The following DLGAP2 variants were observed in gnomAD, a reference collection of about 807,000 sequenced individuals.
DLGAP2 encodes DLG associated protein 2.
Under a neutral mutation model 100.3 loss-of-function variants are expected in DLGAP2, and 26 were observed. The ratio of observed to expected loss-of-function variants is 0.26; its 90% CI spans 0.19 to 0.36. DLGAP2 has a LOEUF of 0.36. DLGAP2 is among the 10% of genes least tolerant of loss of function. The pLI is 1.00. For missense variants in DLGAP2, 1,858 were observed against 1,453.2 expected (o/e 1.28, Z -4.53); for synonymous variants, 886 against 630.1 (o/e 1.41, Z -6.08).
intron 2 of DLGAP2, among the ~76,000 whole-genome samples, chr8:1,186,483 A>G (rs78444212): frequency 3.9e-5 from 6 of 152,280 alleles, no homozygotes; most frequent in Admixed American, 3.9e-4. Flanking sequence ...GCGAGTACCC[A>G]TCAACAAGGC....
At chr8:1,457,764 C>G (rs963202404) in intron 3 of DLGAP2, among the ~76,000 whole-genome samples, 12 of 151,908 alleles carry the variant, frequency 7.9e-5, no homozygotes, top group African/African-American at 2.9e-4. Flanking sequence ...ACGCCTCCCC[C>G]AGAAGGTTGC....
chr8:1,204,992 A>C lies in DLGAP2; in HGVS notation c.74-53859A>C, dbSNP rs1226984056. On this transcript the variant is annotated intron_variant, in intron 2 of 14. Coordinates refer to ENST00000637795, the MANE Select transcript of DLGAP2 (RefSeq NM_001346810.2). The stretch of plus-strand genomic sequence containing the variant: ...GTGGGGCTGACAGCTCCATTGTAAC[A>C]TCCAGTCAGTTGTCTGTTAAACGGA... Among the ~76,000 whole-genome samples the C allele has an allele frequency of 3.3e-5, 5 of 152,096 alleles. No homozygotes were observed. The East Asian group carries it at 9.7e-4, about 29-fold the overall frequency.
chr8:1,243,122 G>A (rs929571043), intron 2 of DLGAP2, among the ~76,000 whole-genome samples: 1 of 152,128 alleles, frequency 6.6e-6, no homozygotes, highest in Admixed American at 6.5e-5. Flanking sequence ...GTCCTTTGTG[G>A]GCGGTTACCC....
chr8:749,551 C>T (rs1205420386), intron 1 of DLGAP2, among the ~76,000 whole-genome samples: 5 of 151,976 alleles, frequency 3.3e-5, no homozygotes, highest in South Asian at 2.1e-4. Flanking sequence ...GTAATGTTCC[C>T]GTATGGAGTG....
chr8:1,618,893 T>G lies in DLGAP2; in HGVS notation c.1443-7847T>G, dbSNP rs190674064. On this transcript the variant is annotated intron_variant, in intron 6 of 14. Transcript: ENST00000637795. ...AGTAGACACGAGTAGCACCCTCCTC[T>G]AAATTGTGGCAAACTCAAAATATCT... Among the ~76,000 whole-genome samples, 99 of 152,292 alleles carry G rather than the reference T, an allele frequency of 6.5e-4. No homozygotes were observed. In the East Asian group the frequency reaches 8.3e-3, roughly 13 times the overall value.
At chr8:840,944 C>G (rs1585920221) in intron 1 of DLGAP2, among the ~76,000 whole-genome samples, 1 of 152,238 alleles carries the variant, frequency 6.6e-6, no homozygotes, top group African/African-American at 2.4e-5. Flanking sequence ...TGTGCCCTTT[C>G]ATCCAGGGAC....
At chr8:1,160,413 G>A (rs1216793797) in intron 2 of DLGAP2, among the ~76,000 whole-genome samples, 3 of 152,174 alleles carry the variant, frequency 2.0e-5, no homozygotes, top group Non-Finnish European at 4.4e-5. Flanking sequence ...ATGTGGGCGC[G>A]GGCGTGAGTG....
intron 2 of DLGAP2, among the ~76,000 whole-genome samples, chr8:1,105,819 A>G (rs1214020452): frequency 6.8e-6 from 1 of 146,970 alleles, no homozygotes; most frequent in Non-Finnish European, 1.5e-5. Flanking sequence ...AGGGTTTTCT[A>G]CTGAAGGGGG....
In DLGAP2 at chr8:805,702, G is replaced by C. The variant is rs1375773522; in HGVS notation, c.18+67877G>C. 3.3e-5 allele frequency among the ~76,000 whole-genome samples: 5 copies of C among 152,182 alleles called. No individual in the cohort carries two copies. In the East Asian group the frequency reaches 9.6e-4, roughly 29 times the overall value. ...GGCTCACTCCGCCTCCCAGGCTGAA[G>C]CAATCATCCCTTCTCAGCCTCCTGA... On this transcript the variant is annotated intron_variant, in intron 1 of 14. Coordinates refer to ENST00000637795, the MANE Select transcript of DLGAP2 (RefSeq NM_001346810.2).
chr8:897,687 G>A (rs189069321), intron 1 of DLGAP2, among the ~76,000 whole-genome samples: 54 of 146,010 alleles, frequency 3.7e-4, no homozygotes, highest in African/African-American at 7.8e-4. Flanking sequence ...CTCTCCTCCC[G>A]CCCCTCCCCC....
At chr8:1,196,362 C>T (rs1585142104) in intron 2 of DLGAP2, among the ~76,000 whole-genome samples, 2 of 152,202 alleles carry the variant, frequency 1.3e-5, no homozygotes, top group African/African-American at 2.4e-5. Context: ...GTCTTTCCCC[C>T]ATCCCCAGGT....
chr8:1,165,357 G>A lies in DLGAP2; in HGVS notation c.74-93494G>A, dbSNP rs563575527. Among the ~76,000 whole-genome samples, 46 of 152,298 alleles carry A rather than the reference G, an allele frequency of 3.0e-4. No individual in the cohort carries two copies. In the South Asian group the frequency reaches 8.9e-3, roughly 29 times the overall value. On this transcript the variant is annotated intron_variant, in intron 2 of 14. Transcript: ENST00000637795. ...CAGCCCTCAGGGCCCCAGGACCATC[G>A]GCCGTTGGCTACCAAGCGCTGGCAC...
chr8:1,504,029 T>C (rs193150368), intron 4 of DLGAP2, among the ~76,000 whole-genome samples: 2,010 of 152,246 alleles, frequency 0.013, 52 homozygotes, highest in African/African-American at 0.046. Context: ...GTGGACGCAT[T>C]GGTTCCAGGG....
intron 2 of DLGAP2, among the ~76,000 whole-genome samples, chr8:1,118,291 A>G (rs959330131): frequency 6.6e-6 from 1 of 152,226 alleles, no homozygotes; most frequent in Admixed American, 6.5e-5. Flanking sequence ...TGATTCCAGC[A>G]TCTGCAGCTC....
At chr8:1,275,831 A>ATAATATATAAAT (rs1563056253) in intron 3 of DLGAP2, among the ~76,000 whole-genome samples, 2 of 64,832 alleles carry the variant, frequency 3.1e-5, no homozygotes, top group African/African-American at 1.2e-4. Flanking sequence ...TATAAAAATA[A>ATAATATATAAAT]ATATATAATA....
intron 3 of DLGAP2, among the ~76,000 whole-genome samples, chr8:1,370,184 G>C (rs1342887239): frequency 6.6e-6 from 1 of 152,146 alleles, no homozygotes; most frequent in East Asian, 1.9e-4. Flanking sequence ...TTCTCTCTCA[G>C]TGTCCTCAGC....
chr8:1,106,170 G>A (rs1481800043), intron 2 of DLGAP2, among the ~76,000 whole-genome samples: 1 of 147,274 alleles, frequency 6.8e-6, no homozygotes, highest in African/African-American at 2.5e-5. Context: ...ATTGAAGGAG[G>A]CCATTCTAGG....
At chr8:1,520,336 A>G (rs1190097407) in intron 4 of DLGAP2, among the ~76,000 whole-genome samples, 1 of 152,220 alleles carries the variant, frequency 6.6e-6, no homozygotes, top group African/African-American at 2.4e-5. Context: ...TTTGGGGAGC[A>G]GGAGGAGGTT....
At chr8:1,392,001 TGA>T (rs1796369500) in intron 3 of DLGAP2, among the ~76,000 whole-genome samples, 1 of 152,224 alleles carries the variant, frequency 6.6e-6, no homozygotes, top group African/African-American at 2.4e-5. Flanking sequence ...GTCGTAGGAC[TGA>T]GAGCGTGAAG....
Sources: gnomAD v4.1 joint callset for allele counts (sites outside exome capture counted in the v4.1 genomes callset) on GRCh38, gnomAD v4.1.1 for gene constraint, MANE v1.5 for transcripts, NCBI Gene and HGNC (gene_info 2026-07-23, HGNC 2026-07-21) for gene names.